SLC13A1: variants seen among roughly 807,000 people sequenced by gnomAD.
SLC13A1 encodes Na(+)/sulfate cotransporter.
Under a neutral mutation model 70.0 loss-of-function variants are expected in SLC13A1, and 65 were observed. The ratio of observed to expected loss-of-function variants is 0.93; its 90% CI spans 0.76 to 1.14. SLC13A1 has a LOEUF of 1.14. SLC13A1 is among the 50% of genes most tolerant of loss of function. The pLI, the probability that SLC13A1 is intolerant of heterozygous loss-of-function variation, is 0.00. For missense variants in SLC13A1, 726 were observed against 717.8 expected (o/e 1.01, Z -0.13); for synonymous variants, 275 against 250.5 (o/e 1.10, Z -0.92).
Position 123,123,175 on chromosome 7 carries a change from T to C in SLC13A1, c.1301A>G (p.Asp434Gly). ...WKEFQSFMPW[D>G]IAILVGGGFA... Reference sequence around the variant, plus strand: ...CCCTCCACCAACAAGAATGGCTATATCCCAGGGCATGAATGACTGGAATTC... The same window carrying C: ...CCCTCCACCAACAAGAATGGCTATACCCCAGGGCATGAATGACTGGAATTC... The change falls in exon 12 of 15, where the codon GAT becomes GGT. Residue 434 changes from aspartate (D) to glycine (G), a missense_variant. Physicochemically the swap from Asp to Gly is moderately conservative, Grantham distance 94. Transcript: ENST00000194130. 1 of 1,613,638 alleles carries C rather than the reference T, an allele frequency of 6.2e-7. No homozygotes were observed.
At chr7:123,116,861 T>C (rs143095936) in intron 14 of SLC13A1, among the ~76,000 whole-genome samples, 74 of 152,340 alleles carry the variant, frequency 4.9e-4, no homozygotes, top group African/African-American at 1.7e-3. Flanking sequence ...TGGAAACTAC[T>C]AGAATATTCT....
At chr7:123,181,205 TAAG>T (rs953833764) in intron 1 of SLC13A1, 104 bp from the exon 2 acceptor site, 5 of 1,263,942 alleles carry the variant, frequency 4.0e-6, no homozygotes, top group African/African-American at 1.5e-5. Flanking sequence ...ACAGAGAACG[TAAG>T]AAGATCTGAA....
Position 123,195,284 on chromosome 7 carries a change from C to T in SLC13A1, c.99+4564G>A, listed in dbSNP as rs551478649. 1.5e-3 allele frequency among the ~76,000 whole-genome samples: 228 copies of T among 152,140 alleles called. 2 individuals carry two copies. Among genetic ancestry groups the T allele is most frequent in the African/African-American group, 5.0e-3 (208 of 41,546 alleles). On this transcript the variant is annotated intron_variant, in intron 1 of 14. Coordinates refer to ENST00000194130, the MANE Select transcript of SLC13A1 (RefSeq NM_022444.4). Reference sequence around the variant, plus strand: ...CTTTGGTGTCCAAAATATTCACTTACTTGGACTTTATAGCATTTTCTTCTT... The same window carrying T: ...CTTTGGTGTCCAAAATATTCACTTATTTGGACTTTATAGCATTTTCTTCTT...
At chr7:123,149,846 T>G (rs1233152262) in intron 6 of SLC13A1, among the ~76,000 whole-genome samples, 5 of 152,194 alleles carry the variant, frequency 3.3e-5, no homozygotes, top group Non-Finnish European at 7.3e-5. Flanking sequence ...TATGGTCCTC[T>G]CCTTTCTTTA....
intron 2 of SLC13A1, among the ~76,000 whole-genome samples, chr7:123,176,961 C>A (rs1400171689): frequency 6.6e-6 from 1 of 152,140 alleles, no homozygotes; most frequent in Non-Finnish European, 1.5e-5. Context: ...TAAATACCAT[C>A]TATATTTTGA....
chr7:123,170,810 C>T (rs1041534119), intron 3 of SLC13A1, among the ~76,000 whole-genome samples: 1 of 151,878 alleles, frequency 6.6e-6, no homozygotes, highest in Non-Finnish European at 1.5e-5. Flanking sequence ...GAACTCCCCA[C>T]CTCAGGCGAT....
intron 6 of SLC13A1, among the ~76,000 whole-genome samples, chr7:123,167,073 G>A (rs887351001): frequency 2.0e-5 from 3 of 152,174 alleles, no homozygotes; most frequent in Non-Finnish European, 2.9e-5. Context: ...TGGAGAATTA[G>A]GAACACTTTT....
Position 123,147,252 on chromosome 7 carries a change from G to T in SLC13A1, c.719C>A (p.Thr240Lys), listed in dbSNP as rs10231144. 1.2e-6 allele frequency: 2 copies of T among 1,613,608 alleles called. No individual in the cohort carries two copies. Among genetic ancestry groups the T allele is most frequent in the Non-Finnish European group, 1.7e-6 (2 of 1,179,802 alleles). The change falls in exon 7 of 15, where the codon ACG becomes AAG. Residue 240 changes from threonine to lysine, a missense_variant. Physicochemically the swap from Thr to Lys is moderately conservative, Grantham distance 78. Coordinates refer to ENST00000194130, the MANE Select transcript of SLC13A1 (RefSeq NM_022444.4). ...AGAAGAGTAGGCAATGCACAAACACGTAAGTTTACGTGTCACGTGGCCCTT... is the reference window on the plus strand; with the variant it reads ...AGAAGAGTAGGCAATGCACAAACACTTAAGTTTACGTGTCACGTGGCCCTT... Reference protein sequence around the residue: ...TKKGHVTRKLTCLCIAYSSTI... With the variant: ...TKKGHVTRKLKCLCIAYSSTI...
chr7:123,135,464 A>G (rs867599937), intron 7 of SLC13A1, among the ~76,000 whole-genome samples: 1 of 152,128 alleles, frequency 6.6e-6, no homozygotes, highest in African/African-American at 2.4e-5. Flanking sequence ...AATCTGAAAA[A>G]CAAAGATATA....
At chr7:123,136,282 G>T (rs1226427635) in intron 7 of SLC13A1, among the ~76,000 whole-genome samples, 1 of 152,164 alleles carries the variant, frequency 6.6e-6, no homozygotes, top group African/African-American at 2.4e-5. Flanking sequence ...AAAAATGAAA[G>T]CCTGAAAAAG....
intron 7 of SLC13A1, among the ~76,000 whole-genome samples, chr7:123,139,798 C>A (rs999976128): frequency 6.6e-6 from 1 of 151,982 alleles, no homozygotes; most frequent in Non-Finnish European, 1.5e-5. Context: ...TTTATCAGTT[C>A]TAACAGTTTT....
At chr7:123,191,395 G>A (rs1008214800) in intron 1 of SLC13A1, among the ~76,000 whole-genome samples, 3 of 152,122 alleles carry the variant, frequency 2.0e-5, no homozygotes, top group African/African-American at 7.2e-5. Context: ...TGAATGGCAT[G>A]GGAGTGCTTT....
intron 2 of SLC13A1, among the ~76,000 whole-genome samples, chr7:123,178,382 T>G (rs1795525890): frequency 6.6e-6 from 1 of 152,066 alleles, no homozygotes; most frequent in Non-Finnish European, 1.5e-5. Context: ...GATCTGAGAT[T>G]CAAAGATGTT....
intron 3 of SLC13A1, among the ~76,000 whole-genome samples, chr7:123,170,638 G>GTTTA (rs1173717388): frequency 6.6e-6 from 1 of 151,704 alleles, no homozygotes; most frequent in African/African-American, 2.4e-5. Flanking sequence ...TTGTTTGTTT[G>GTTTA]TTTGTTTTGA....
chr7:123,177,536 G>A (rs1225059106), intron 2 of SLC13A1, among the ~76,000 whole-genome samples: 1 of 152,006 alleles, frequency 6.6e-6, no homozygotes. Flanking sequence ...CTGGTCCATT[G>A]CCTCATTACA....
chr7:123,176,212 G>A (rs1274739655), intron 2 of SLC13A1, among the ~76,000 whole-genome samples: 5 of 152,266 alleles, frequency 3.3e-5, no homozygotes, highest in African/African-American at 1.2e-4. Context: ...CACATTCTCT[G>A]TTTTCATTGT....
chr7:123,126,390 A>T (rs1793561026), intron 10 of SLC13A1, among the ~76,000 whole-genome samples: 1 of 152,192 alleles, frequency 6.6e-6, no homozygotes, highest in Non-Finnish European at 1.5e-5. Flanking sequence ...GTAACAAATA[A>T]GACAGATTCC....
chr7:123,120,787 CAAATT>C (rs1793350918), intron 12 of SLC13A1, among the ~76,000 whole-genome samples: 1 of 152,016 alleles, frequency 6.6e-6, no homozygotes, highest in Non-Finnish European at 1.5e-5. Context: ...CACATTGACA[CAAATT>C]AATCCTAGAA....
chr7:123,132,242 T>C (rs1245087426), intron 8 of SLC13A1, among the ~76,000 whole-genome samples: 3 of 152,056 alleles, frequency 2.0e-5, no homozygotes, highest in Non-Finnish European at 2.9e-5. Flanking sequence ...TCACTACTAA[T>C]AAAACCATGG....
Sources: allele counts gnomAD v4.1 joint callset (sites outside exome capture counted in the v4.1 genomes callset), GRCh38; gene constraint gnomAD v4.1.1; transcripts MANE v1.5; gene names NCBI Gene and HGNC (gene_info 2026-07-23, HGNC 2026-07-21).